The following CTPS1 variants were observed in gnomAD, a reference collection of about 807,000 sequenced individuals.
The protein encoded by CTPS1 is CTP synthase 1.
CTPS1 carries 25 observed loss-of-function variants against 80.5 expected under a neutral mutation model. The ratio of observed to expected loss-of-function variants is 0.31; its 90% CI spans 0.23 to 0.43. The LOEUF is 0.43. Ranked by LOEUF, CTPS1 falls within the 20% of genes least tolerant of loss-of-function variation. CTPS1 has a pLI of 1.00. For missense variants in CTPS1, 442 were observed against 725.7 expected (o/e 0.61, Z 4.49); for synonymous variants, 267 against 252.5 (o/e 1.06, Z -0.54).
chr1:40,982,393 A>G (rs1642335201), intron 1 of CTPS1, among the ~76,000 whole-genome samples: 1 of 148,322 alleles, frequency 6.7e-6, no homozygotes, highest in Non-Finnish European at 1.5e-5. Flanking sequence ...GAAGAGAACT[A>G]CTTTTTCTTT....
intron 16 of CTPS1, 140 bp from the exon 17 acceptor site, chr1:41,009,305 C>G: frequency 1.1e-6 from 1 of 905,960 alleles, no homozygotes; most frequent in South Asian, 1.9e-5. Flanking sequence ...TTGAGGTTCC[C>G]TTTATCTAGA....
chr1:40,995,783 G>T, intron 7 of CTPS1, 134 bp from the exon 8 acceptor site: 1 of 781,604 alleles, frequency 1.3e-6, no homozygotes. Context: ...GTCTGTTTTA[G>T]TAGTTTATCT....
At chr1:40,980,453 A>C (rs1427303995) in intron 1 of CTPS1, 1 of 152,112 alleles carries the variant, frequency 6.6e-6, no homozygotes, top group Non-Finnish European at 1.5e-5. Flanking sequence ...CGGTGTATAG[A>C]GCTCACCACG....
chr1:40,995,903 T>C lies in CTPS1; in HGVS notation c.721-14T>C, dbSNP rs148736106. 1 of 1,605,376 alleles carries C rather than the reference T, an allele frequency of 6.2e-7. No individual in the cohort carries two copies. Among genetic ancestry groups the C allele is most frequent in the African/African-American group, 1.3e-5 (1 of 74,684 alleles). On this transcript the variant is annotated splice_polypyrimidine_tract_variant and intron_variant, in intron 7 of 18. Coordinates refer to ENST00000650070, the MANE Select transcript of CTPS1 (RefSeq NM_001905.4). ...TTTTTGCTTTTATTTAATAACTTGC[T>C]TTTTTCTAAACAGGTGATCTGTGTC... is the stretch of plus-strand genomic sequence containing the variant.
chr1:41,009,972 G>T (rs866067180), intron 17 of CTPS1, among the ~76,000 whole-genome samples, 189 bp from the exon 18 acceptor site: 8 of 152,228 alleles, frequency 5.3e-5, no homozygotes, highest in Admixed American at 2.6e-4. Context: ...TAAATGGAAT[G>T]TATATCTTTT....
rs1453485191 is a variant in CTPS1, at chr1:41,012,174, A to G, written c.*526A>G. 6.6e-6 allele frequency: 1 copy of G among 152,186 alleles called. No homozygotes were observed. The highest frequency in any genetic ancestry group is 2.4e-5 in the African/African-American group (1 of 41,450). The allele number at this position is 152,186 out of a possible 1,614,324, so 9.4% of individuals were successfully genotyped here. A position where few individuals can be genotyped will look rare whatever the true frequency, so the allele number is the denominator to read the frequency against. On this transcript the variant is annotated 3_prime_UTR_variant, in exon 19 of 19. Coordinates refer to ENST00000650070, the MANE Select transcript of CTPS1 (RefSeq NM_001905.4). ...TGAGTTGGGGGGAATTCTCAGTGCCAACTGTGGCTGGTCCTCATTCAAAGG... is the reference window on the plus strand; with the variant it reads ...TGAGTTGGGGGGAATTCTCAGTGCCGACTGTGGCTGGTCCTCATTCAAAGG...
At position 41,007,396 on chromosome 1, in the gene CTPS1, C is replaced by T. The variant is rs1004030184; in HGVS notation, c.1297-53C>T. ...CACCCACTCAGCGAGGGAGGTTTCT[C>T]TCTAGCGGAAGCAGAGTTCTGTAGT... On this transcript the variant is annotated intron_variant, in intron 13 of 18. Coordinates refer to ENST00000650070, the MANE Select transcript of CTPS1 (RefSeq NM_001905.4). This position sits in a 1 kb window ranked among gnomAD's most constrained non-coding sequence, Gnocchi z 4.4. The T allele has an allele frequency of 2.2e-5, 34 of 1,525,300 alleles. No homozygotes were observed. The highest frequency in any genetic ancestry group is 8.2e-5 in the African/African-American group (6 of 73,100). The allele number at this position is 1,525,300 out of a possible 1,614,324, so 94.5% of individuals were successfully genotyped here.
intron 11 of CTPS1, among the ~76,000 whole-genome samples, chr1:41,002,522 T>C (rs1342755498): frequency 1.3e-5 from 2 of 152,240 alleles, no homozygotes; most frequent in Non-Finnish European, 2.9e-5. Context: ...CAGCTGTTTG[T>C]AGCACACGTG....
In CTPS1 at chr1:40,997,538, G is replaced by C. The variant is rs1344933911; in HGVS notation, c.1005+12G>C. 1.2e-6 allele frequency: 2 copies of C among 1,613,202 alleles called. No homozygotes were observed. The highest frequency in any genetic ancestry group is 2.2e-5 in the South Asian group (2 of 90,946). On this transcript the variant is annotated intron_variant, in intron 9 of 18. Coordinates refer to ENST00000650070, the MANE Select transcript of CTPS1 (RefSeq NM_001905.4). ...AATTGGAAATCAAGGTAAGGAGGGT[G>C]GCACAGGTACAGCCAAAGGATGAGC...
At chr1:41,008,285 T>C (rs1206852888) in intron 14 of CTPS1, among the ~76,000 whole-genome samples, 1 of 152,214 alleles carries the variant, frequency 6.6e-6, no homozygotes, top group Non-Finnish European at 1.5e-5. Flanking sequence ...TCAGAGGTCA[T>C]CTGTGCAGCT....
chr1:41,012,056 T>C lies in CTPS1; in HGVS notation c.*408T>C, dbSNP rs1189256810. ...GGACTTACCGAGCATGGAGAGAGGA[T>C]TTTAGCTAGGATTTGAACACTTGGT... On this transcript the variant is annotated 3_prime_UTR_variant, in exon 19 of 19. Coordinates refer to ENST00000650070, the MANE Select transcript of CTPS1 (RefSeq NM_001905.4). 1.3e-5 allele frequency: 2 copies of C among 152,110 alleles called. No homozygotes were observed. Among genetic ancestry groups the C allele is most frequent in the Non-Finnish European group, 2.9e-5 (2 of 68,042 alleles). 9.4% of individuals were successfully genotyped at this position (152,110 alleles called of 1,614,324 possible). A position where few individuals can be genotyped will look rare whatever the true frequency, so the allele number is the denominator to read the frequency against.
In CTPS1 at chr1:40,996,148, C is replaced by T. The variant is rs1441675636; in HGVS notation, c.872+80C>T. 4 of 1,502,650 alleles carry T rather than the reference C, an allele frequency of 2.7e-6. No individual in the cohort carries two copies. In the African/African-American group the frequency reaches 4.1e-5, roughly 16 times the overall value. The allele number at this position is 1,502,650 out of a possible 1,614,324, so 93.1% of individuals were successfully genotyped here. Reference sequence around the variant, plus strand: ...CTGGTGAAGCCGACTCTAGCCCTAGCACTTTTGTACTTTTGCACTTCTGCC... The same window carrying T: ...CTGGTGAAGCCGACTCTAGCCCTAGTACTTTTGTACTTTTGCACTTCTGCC... On this transcript the variant is annotated intron_variant, in intron 8 of 18. Coordinates refer to ENST00000650070, the MANE Select transcript of CTPS1 (RefSeq NM_001905.4).
chr1:41,004,523 G>A (rs1642983967), intron 12 of CTPS1, among the ~76,000 whole-genome samples: 1 of 152,178 alleles, frequency 6.6e-6, no homozygotes, highest in African/African-American at 2.4e-5. Flanking sequence ...CAAATGGGTA[G>A]GTGCTTTGGT....
rs939652697 is a variant in CTPS1, at chr1:40,999,987, CA to C, written c.1006-1034del. Among the ~76,000 whole-genome samples the C allele has an allele frequency of 2.0e-5, 3 of 151,124 alleles. 1 individual carries two copies. The South Asian group carries it at 6.2e-4, about 31-fold the overall frequency. ...CAACATAGCGAGACCCCCGTCTCTG[CA>C]AAAAAAAGTTAAAAAAGAAAAGGAA... is the stretch of plus-strand genomic sequence containing the variant. On this transcript the variant is annotated intron_variant, in intron 9 of 18. Transcript: ENST00000650070.
At chr1:41,005,774 T>G (rs1448950512) in intron 12 of CTPS1, among the ~76,000 whole-genome samples, 1 of 152,084 alleles carries the variant, frequency 6.6e-6, no homozygotes, top group Admixed American at 6.6e-5. Context: ...TGTGGTAGTG[T>G]GCCCCTGTAG....
rs774543321 is a variant in CTPS1 at position 41,002,301 on chromosome 1, G to A, written c.1189+47G>A. On this transcript the variant is annotated intron_variant, in intron 11 of 18. Transcript: ENST00000650070. ...TCTTCACTTAAGAGTAGGAAAGAGT[G>A]GGGAACGGTGCCACGTGGGAGCCTA... 1.6e-5 allele frequency: 24 copies of A among 1,502,086 alleles called. No individual in the cohort carries two copies. The South Asian group carries it at 2.4e-4, about 15-fold the overall frequency. 93.0% of individuals were successfully genotyped at this position (1,502,086 alleles called of 1,614,324 possible).
chr1:41,008,957 T>C, intron 16 of CTPS1, 67 bp downstream of exon 16: 7 of 1,242,458 alleles, frequency 5.6e-6, no homozygotes, highest in South Asian at 2.4e-5. Flanking sequence ...TGGGAAAATA[T>C]AAAAATGTTA....
Position 40,997,533 on chromosome 1 carries a change from A to C in CTPS1, c.1005+7A>C. The C allele has an allele frequency of 6.2e-7, 1 of 1,613,558 alleles. No homozygotes were observed. The highest frequency in any genetic ancestry group is 1.1e-5 in the South Asian group (1 of 90,982). ...CCACAAATTGGAAATCAAGGTAAGG[A>C]GGGTGGCACAGGTACAGCCAAAGGA... On this transcript the variant is annotated splice_region_variant and intron_variant, in intron 9 of 18. Transcript: ENST00000650070.
chr1:40,985,515 T>C (rs1338717252), intron 3 of CTPS1, among the ~76,000 whole-genome samples: 5 of 152,220 alleles, frequency 3.3e-5, no homozygotes, highest in African/African-American at 1.2e-4. Context: ...ATCTATTTGC[T>C]GTTTTGGGGT....
Sources: gnomAD v4.1 joint callset for allele counts (sites outside exome capture counted in the v4.1 genomes callset) on GRCh38, gnomAD v4.1.1 for gene constraint, Gnocchi (gnomAD v3.1) non-coding constraint, MANE v1.5 for transcripts, NCBI Gene and HGNC (gene_info 2026-07-23, HGNC 2026-07-21) for gene names.